Variants in C1orf141 observed in about 807,000 individuals in gnomAD.
The protein encoded by C1orf141 is chromosome 1 open reading frame 141.
Under a neutral mutation model 23.2 loss-of-function variants are expected in C1orf141, and 19 were observed. The ratio of observed to expected loss-of-function variants is 0.82; its 90% confidence interval spans 0.57 to 1.20. C1orf141 has a LOEUF of 1.20. C1orf141 is among the 50% of genes most tolerant of loss of function. The pLI, the probability that C1orf141 is intolerant of heterozygous loss-of-function variation, is 0.00. For missense variants in C1orf141, 469 were observed against 455.1 expected (o/e 1.03, Z -0.28); for synonymous variants, 153 against 154.6 (o/e 0.99, Z 0.08).
At chr1:67,096,058 C>T (rs572198731) in intron 6 of C1orf141, 194 bp downstream of exon 6, 5 of 376,450 alleles carry the variant, frequency 1.3e-5, no homozygotes, top group African/African-American at 8.5e-5. Flanking sequence ...TTTTCCATGC[C>T]TTTCTCTCCA....
intron 4 of C1orf141, among the ~76,000 whole-genome samples, chr1:67,118,848 C>T (rs1384467393): frequency 6.6e-6 from 1 of 152,170 alleles, no homozygotes; most frequent in Non-Finnish European, 1.5e-5. Context: ...AGAATACCCT[C>T]ACCAGACACC....
chr1:67,140,279 T>C (rs1646624337), intron 1 of C1orf141, among the ~76,000 whole-genome samples: 1 of 152,210 alleles, frequency 6.6e-6, no homozygotes, highest in African/African-American at 2.4e-5. Flanking sequence ...ATTTAAAATT[T>C]CTGTATGTCA....
chr1:67,113,646 T>A (rs1646127749), intron 5 of C1orf141: 2 of 1,167,362 alleles, frequency 1.7e-6, no homozygotes, highest in African/African-American at 3.2e-5. Flanking sequence ...ATTACAGCCA[T>A]GAGCCACCGT....
In C1orf141 at chr1:67,093,315, T is replaced by C; in HGVS notation, c.893A>G (p.Lys298Arg). 1 of 1,613,756 alleles carries C rather than the reference T, an allele frequency of 6.2e-7. No homozygotes were observed. Among genetic ancestry groups the C allele is most frequent in the Non-Finnish European group, 8.5e-7 (1 of 1,179,668 alleles). The change falls in exon 8 of 8, where the codon AAG becomes AGG. Residue 298 changes from lysine (K) to arginine (R), a missense_variant. Physicochemically the swap from Lys to Arg is conservative, Grantham distance 26. This residue lies in a region of C1orf141 where 370 missense variants were observed against 348.1 expected (regional missense o/e 1.06). Transcript: ENST00000684719. ...AGHTTVDDKL[K>R]KKTNKQTLEN... ...TAGTGTCTGCTTATTAGTTTTCTTC[T>C]TTAGTTTATCATCTACAGTTGTGTG...
At chr1:67,103,663 C>G (rs1473550349) in intron 5 of C1orf141, among the ~76,000 whole-genome samples, 1 of 152,042 alleles carries the variant, frequency 6.6e-6, no homozygotes, top group African/African-American at 2.4e-5. Flanking sequence ...TAAAACTTAG[C>G]CTTTATAGTC....
chr1:67,096,277 G>C lies in C1orf141; in HGVS notation c.391C>G (p.Leu131Val). 1 of 1,525,768 alleles carries C rather than the reference G, an allele frequency of 6.6e-7. No homozygotes were observed. Among genetic ancestry groups the C allele is most frequent in the South Asian group, 1.2e-5 (1 of 82,430 alleles). The allele number at this position is 1,525,768 out of a possible 1,614,324, so 94.5% of individuals were successfully genotyped here. Residue 131 changes from leucine to valine, a missense_variant, in exon 6 of 8, where the codon CTC (leucine) becomes GTC (valine). By Grantham distance (32) the Leu-to-Val change is conservative (BLOSUM62 1). Around this residue, in one of 3 missense-constraint regions of C1orf141, gnomAD observed 370 missense variants for 348.1 expected, o/e 1.06. Transcript: ENST00000684719. ...KPRKPLDSVG[L>V]LEGDRNKRKK... ...CTTTTATTTCTATCACCTTCTAAGA[G>C]ACCAACAGAATCCAATGGTTTCCTA...
chr1:67,139,385 A>G (rs114430898), upstream of C1orf141, among the ~76,000 whole-genome samples: 1 of 152,172 alleles, frequency 6.6e-6, no homozygotes, highest in East Asian at 1.9e-4. Flanking sequence ...TGAAACGTTC[A>G]TTATGTTTCT....
At chr1:67,116,117 A>C (rs1369452030) in intron 4 of C1orf141, among the ~76,000 whole-genome samples, 1 of 152,100 alleles carries the variant, frequency 6.6e-6, no homozygotes, top group Non-Finnish European at 1.5e-5. Flanking sequence ...AGATTTATAT[A>C]TCCAACTGCC....
At chr1:67,118,490 T>A (rs544594682) in intron 4 of C1orf141, among the ~76,000 whole-genome samples, 36 of 152,200 alleles carry the variant, frequency 2.4e-4, no homozygotes, top group Non-Finnish European at 4.6e-4. Context: ...CTTGCTGATT[T>A]GCCCCATGTC....
intron 5 of C1orf141, among the ~76,000 whole-genome samples, chr1:67,109,002 A>C (rs3961633): frequency 0.89 from 135,671 of 152,138 alleles, 60,733 homozygotes; most frequent in East Asian, 0.97. Flanking sequence ...ACTAGTATAA[A>C]CACTATGGAA....
intron 5 of C1orf141, among the ~76,000 whole-genome samples, chr1:67,098,155 T>A (rs1645724294): frequency 6.6e-6 from 1 of 152,132 alleles, no homozygotes; most frequent in South Asian, 2.1e-4. Flanking sequence ...ACTGCAAAAC[T>A]TCTGGAAAGG....
chr1:67,100,948 C>T (rs766543482), intron 5 of C1orf141, among the ~76,000 whole-genome samples: 18 of 152,076 alleles, frequency 1.2e-4, no homozygotes, highest in Admixed American at 1.3e-4. Flanking sequence ...CTTTTCATGA[C>T]CCCAGGGTGG....
At chr1:67,125,612 T>A (rs185750762) in intron 4 of C1orf141, 140 bp downstream of exon 4, 1 of 801,558 alleles carries the variant, frequency 1.2e-6, no homozygotes, top group East Asian at 2.5e-5. Context: ...GGTGGGAGAA[T>A]CACCTAAACC....
chr1:67,104,961 C>A (rs757640628), intron 5 of C1orf141, among the ~76,000 whole-genome samples: 25 of 152,092 alleles, frequency 1.6e-4, no homozygotes, highest in Admixed American at 2.6e-4. Context: ...ACTGATAAAT[C>A]TGATAAATTT....
intron 4 of C1orf141, 148 bp from the exon 5 acceptor site, chr1:67,115,612 G>T: frequency 2.2e-6 from 1 of 454,896 alleles, no homozygotes. Flanking sequence ...GTGAAACATT[G>T]GACTGATTAA....
At chr1:67,111,582 T>C (rs763217419) in intron 5 of C1orf141, 4 of 1,305,346 alleles carry the variant, frequency 3.1e-6, no homozygotes, top group East Asian at 2.9e-5. Flanking sequence ...CCTACCTCAG[T>C]TGTATCCTTA....
chr1:67,132,363 A>G (rs936280496), intron 1 of C1orf141, among the ~76,000 whole-genome samples: 1 of 152,064 alleles, frequency 6.6e-6, no homozygotes, highest in African/African-American at 2.4e-5. Flanking sequence ...TACTAAAAAT[A>G]CAAAAAAAAA....
chr1:67,097,189 A>G (rs1194583152), intron 5 of C1orf141, among the ~76,000 whole-genome samples: 1 of 152,166 alleles, frequency 6.6e-6, no homozygotes, highest in Non-Finnish European at 1.5e-5. Context: ...TAAGACCCCC[A>G]TCTCAAAAAA....
upstream of C1orf141, among the ~76,000 whole-genome samples, chr1:67,138,057 A>G (rs1051645698): frequency 1.3e-5 from 2 of 152,214 alleles, no homozygotes. Context: ...AATGACAACT[A>G]TCTCCCCATA....
Sources: gnomAD v4.1 joint callset for allele counts (sites outside exome capture counted in the v4.1 genomes callset) on GRCh38, gnomAD v4.1.1 for gene constraint, gnomAD v4.1.1 regional missense constraint, MANE v1.5 for transcripts, NCBI Gene and HGNC (gene_info 2026-07-23, HGNC 2026-07-21) for gene names.